MYCT1: variants seen among roughly 807,000 people sequenced by gnomAD.
MYCT1 encodes the protein MYC target 1.
MYCT1 carries 12 observed loss-of-function variants against 15.0 expected under a neutral mutation model. The ratio of observed to expected loss-of-function variants is 0.80; its 90% confidence interval spans 0.51 to 1.29. The LOEUF is 1.29. Among genes scored for constraint, MYCT1 ranks in the 50% most tolerant of loss-of-function variants. The probability of loss-of-function intolerance (pLI) is 0.00; values close to 1 mark genes in which losing one functional copy is unlikely to be tolerated. For synonymous variants in MYCT1, 104 were observed against 102.7 expected (o/e 1.01, Z -0.07); for missense variants, 287 against 279.1 (o/e 1.03, Z -0.20).
chr6:152,739,234 T>A, the MYCT1 span, among the ~76,000 whole-genome samples: 1 of 151,782 alleles, frequency 6.6e-6, no homozygotes, highest in African/African-American at 2.4e-5. Flanking sequence ...AGATTATAAT[T>A]TATTAAAATA....
At chr6:152,739,215 A>G in the MYCT1 span, among the ~76,000 whole-genome samples, 1 of 151,924 alleles carries the variant, frequency 6.6e-6, no homozygotes, top group African/African-American at 2.4e-5. Context: ...ATTATTTTAT[A>G]TTGATTGGAG....
At chr6:152,727,745 C>T (rs1489996283), downstream of MYCT1, among the ~76,000 whole-genome samples, 5 of 151,570 alleles carry the variant, frequency 3.3e-5, no homozygotes, top group Middle Eastern at 0.01. Context: ...AATCCCTGCT[C>T]CCAATGGCTG....
In MYCT1 at chr6:152,716,013, G is replaced by GTT. The variant is rs368375320; in HGVS notation, c.197-5728_197-5727dup. On this transcript the variant is annotated intron_variant, in intron 1 of 1. Transcript: ENST00000367245. The stretch of plus-strand genomic sequence containing the variant: ...TATGATTTGACTTACATTTTATAAT[G>GTT]TTCTCTCTGACTACTGCATTGAGCA... 1.9e-3 allele frequency among the ~76,000 whole-genome samples: 287 copies of GTT among 152,294 alleles called. 1 individual carries two copies. The highest frequency in any genetic ancestry group is 6.6e-3 in the African/African-American group (275 of 41,576).
chr6:152,697,954 G>A lies in MYCT1; in HGVS notation c.52G>A (p.Val18Ile), dbSNP rs765930456. The A allele has an allele frequency of 3.1e-6, 5 of 1,602,502 alleles. No individual in the cohort carries two copies. The highest frequency in any genetic ancestry group is 4.5e-5 in the East Asian group (2 of 44,120). The change falls in exon 1 of 2, where the codon GTA becomes ATA. Residue 18 changes from valine to isoleucine, a missense_variant. Coordinates refer to ENST00000367245, the MANE Select transcript of MYCT1 (RefSeq NM_025107.3). ...GLCKNYFSLA[V>I]LQRDRIKLLF... is the part of the protein sequence containing the mutation. The stretch of plus-strand genomic sequence containing the variant: ...GTGTAAAAATTATTTTTCTCTTGCT[G>A]TACTACAAAGAGATAGAATCAAACT...
chr6:152,722,277 T>G lies in MYCT1; in HGVS notation c.*24T>G. 6.4e-7 allele frequency: 1 copy of G among 1,571,614 alleles called. No individual in the cohort carries two copies. On this transcript the variant is annotated 3_prime_UTR_variant, in exon 2 of 2. Coordinates refer to ENST00000367245, the MANE Select transcript of MYCT1 (RefSeq NM_025107.3). ...GAGTAGGGTGGCTTTTGGTTTTTGTTTCTTTCTTGTCTTGTCTTTTATTGA... is the reference window on the plus strand; with the variant it reads ...GAGTAGGGTGGCTTTTGGTTTTTGTGTCTTTCTTGTCTTGTCTTTTATTGA...
intron 1 of MYCT1, among the ~76,000 whole-genome samples, chr6:152,700,627 A>G (rs573257792): frequency 6.6e-6 from 1 of 152,144 alleles, no homozygotes; most frequent in East Asian, 1.9e-4. Flanking sequence ...TCCACTCCCT[A>G]TTTTTGCTTT....
intron 1 of MYCT1, among the ~76,000 whole-genome samples, chr6:152,716,617 G>A (rs986063884): frequency 1.3e-5 from 2 of 152,120 alleles, no homozygotes; most frequent in Non-Finnish European, 2.9e-5. Context: ...AGACACGAAC[G>A]TGGCTGTTAT....
At chr6:152,737,548 A>G in the MYCT1 span, among the ~76,000 whole-genome samples, 1 of 152,070 alleles carries the variant, frequency 6.6e-6, no homozygotes, top group Non-Finnish European at 1.5e-5. Flanking sequence ...TGCTCCCTCT[A>G]TGTACAATAA....
chr6:152,716,840 TA>T (rs1267022462), intron 1 of MYCT1, among the ~76,000 whole-genome samples: 2 of 152,220 alleles, frequency 1.3e-5, no homozygotes. Flanking sequence ...TTAACATTTT[TA>T]AAAGTAATCA....
rs113186287 is a variant in MYCT1, at chr6:152,716,789, A to G, written c.197-4953A>G. ...ATATTTAATTTATATGGCATAGCTG[A>G]CCAATGTTAGAGTTTTTTCCTTCTG... is the stretch of plus-strand genomic sequence containing the variant. On this transcript the variant is annotated intron_variant, in intron 1 of 1. Coordinates refer to ENST00000367245, the MANE Select transcript of MYCT1 (RefSeq NM_025107.3). Among the ~76,000 whole-genome samples, 9 of 152,292 alleles carry G rather than the reference A, an allele frequency of 5.9e-5. 1 individual carries two copies. The highest frequency in any genetic ancestry group is 1.9e-4 in the African/African-American group (8 of 41,568).
chr6:152,702,143 T>A (rs2099721430), intron 1 of MYCT1, among the ~76,000 whole-genome samples: 1 of 152,120 alleles, frequency 6.6e-6, no homozygotes, highest in Non-Finnish European at 1.5e-5. Context: ...CCCTTACAGG[T>A]CGTATTCTAT....
At chr6:152,721,593 A>T in intron 1 of MYCT1, 149 bp from the exon 2 acceptor site, 1 of 681,480 alleles carries the variant, frequency 1.5e-6, no homozygotes, top group East Asian at 2.8e-5. Flanking sequence ...ATTTGTTCAT[A>T]TCCACCTAAC....
chr6:152,708,563 T>C (rs2099722686), intron 1 of MYCT1, among the ~76,000 whole-genome samples: 1 of 152,066 alleles, frequency 6.6e-6, no homozygotes, highest in Admixed American at 6.6e-5. Flanking sequence ...GATTTATTTA[T>C]ATCCTGTCCC....
intron 1 of MYCT1, among the ~76,000 whole-genome samples, chr6:152,702,078 C>T (rs956254142): frequency 5.9e-5 from 9 of 152,110 alleles, no homozygotes; most frequent in Non-Finnish European, 1.3e-4. Context: ...ATTCCCTAAT[C>T]AATCTGTAGC....
chr6:152,738,807 T>C, the MYCT1 span, among the ~76,000 whole-genome samples: 21 of 152,088 alleles, frequency 1.4e-4, no homozygotes, highest in African/African-American at 5.1e-4. Flanking sequence ...GTTTTAATGG[T>C]GAAAGAAAAA....
In MYCT1 at chr6:152,717,381, A is replaced by G. The variant is rs189142776; in HGVS notation, c.197-4361A>G. Among the ~76,000 whole-genome samples, 20 of 152,306 alleles carry G rather than the reference A, an allele frequency of 1.3e-4. No individual in the cohort carries two copies. The East Asian group carries it at 3.7e-3, about 28-fold the overall frequency. ...TAGGTGTTTTAATATTCTGCAAGGT[A>G]TAAGAATTAGTGCAATGATTTCTGA... On this transcript the variant is annotated intron_variant, in intron 1 of 1. Coordinates refer to ENST00000367245, the MANE Select transcript of MYCT1 (RefSeq NM_025107.3).
the MYCT1 span, among the ~76,000 whole-genome samples, chr6:152,737,721 G>A: frequency 1.3e-5 from 2 of 152,054 alleles, no homozygotes; most frequent in Non-Finnish European, 2.9e-5. Flanking sequence ...TTTACTACTA[G>A]AAATCAGTAA....
At chr6:152,704,218 T>C (rs2099721858) in intron 1 of MYCT1, among the ~76,000 whole-genome samples, 1 of 152,042 alleles carries the variant, frequency 6.6e-6, no homozygotes, top group South Asian at 2.1e-4. Context: ...CCCAGACTAG[T>C]CTCAAACTCC....
intron 1 of MYCT1, among the ~76,000 whole-genome samples, chr6:152,700,280 T>C (rs1180061989): frequency 1.3e-5 from 2 of 152,164 alleles, no homozygotes; most frequent in African/African-American, 2.4e-5. Flanking sequence ...TGCATTGTTA[T>C]TGCTTCCAAA....
Sources: gnomAD v4.1 joint callset for allele counts (sites outside exome capture counted in the v4.1 genomes callset) on GRCh38, gnomAD v4.1.1 for gene constraint, MANE v1.5 for transcripts, NCBI Gene and HGNC (gene_info 2026-07-23, HGNC 2026-07-21) for gene names.